CSMD1: variants seen among roughly 807,000 people sequenced by gnomAD.
The protein encoded by CSMD1 is CUB and sushi domain-containing protein 1.
CSMD1 carries 213 observed loss-of-function variants against 417.5 expected under a neutral mutation model. The ratio of observed to expected loss-of-function variants is 0.51; its 90% CI spans 0.46 to 0.57. The LOEUF (loss-of-function observed/expected upper bound fraction) is 0.57. Among genes scored for constraint, CSMD1 ranks in the 20% least tolerant of loss-of-function variants. The probability of loss-of-function intolerance (pLI) is 0.00; values close to 1 mark genes in which losing one functional copy is unlikely to be tolerated. For synonymous variants in CSMD1, 2,862 were observed against 1,736.8 expected, an observed-to-expected ratio of 1.65 and a Z score of -16.11; for missense variants, 6,923 against 4,529.7, an observed-to-expected ratio of 1.53 and a Z score of -15.17.
intron 3 of CSMD1, among the ~76,000 whole-genome samples, chr8:4,113,695 C>G (rs759005545): frequency 6.6e-6 from 1 of 152,120 alleles, no homozygotes; most frequent in Non-Finnish European, 1.5e-5. Flanking sequence ...TGAGCCACCG[C>G]GCCCAGCCAG....
chr8:3,523,832 C>T (rs1797624755), intron 10 of CSMD1, among the ~76,000 whole-genome samples: 1 of 147,226 alleles, frequency 6.8e-6, no homozygotes, highest in African/African-American at 2.5e-5. Flanking sequence ...TATGCATGCA[C>T]ACCCAGAGAC....
At position 3,457,304 on chromosome 8, in the gene CSMD1, C is replaced by G. The variant is rs571833609; in HGVS notation, c.1561+11408G>C. On this transcript the variant is annotated intron_variant, in intron 12 of 69. Coordinates refer to ENST00000635120, the MANE Select transcript of CSMD1 (RefSeq NM_033225.6). ...ATCTTCACCCCTCATCCTACACTCC[C>G]TGACCTTCAGCTCACATCACAACCT... is the stretch of plus-strand genomic sequence containing the variant. Among the ~76,000 whole-genome samples, 9 of 152,322 alleles carry G rather than the reference C, an allele frequency of 5.9e-5. No individual in the cohort carries two copies. The South Asian group carries it at 1.0e-3, about 18-fold the overall frequency.
chr8:3,523,662 C>G (rs1015196933), intron 10 of CSMD1, among the ~76,000 whole-genome samples: 4 of 141,954 alleles, frequency 2.8e-5, no homozygotes, highest in Non-Finnish European at 6.0e-5. Context: ...CACAGTTACA[C>G]ATGCACACAC....
intron 3 of CSMD1, among the ~76,000 whole-genome samples, chr8:4,196,155 G>T (rs575330808): frequency 6.6e-6 from 1 of 152,106 alleles, no homozygotes. Flanking sequence ...AGCTTGCAGG[G>T]AGCCGAGATC....
intron 3 of CSMD1, among the ~76,000 whole-genome samples, chr8:4,393,136 C>G (rs560809714): frequency 6.6e-6 from 1 of 151,710 alleles, no homozygotes; most frequent in South Asian, 2.1e-4. Flanking sequence ...CCACCACGCC[C>G]GACTAATTTT....
chr8:2,999,272 A>C (rs1807185886), intron 53 of CSMD1, among the ~76,000 whole-genome samples: 1 of 149,004 alleles, frequency 6.7e-6, no homozygotes, highest in Non-Finnish European at 1.5e-5. Flanking sequence ...CTCCTGCTTC[A>C]GCCCCTCCTA....
chr8:4,003,498 A>G (rs901056690), intron 4 of CSMD1, among the ~76,000 whole-genome samples: 1 of 152,206 alleles, frequency 6.6e-6, no homozygotes, highest in African/African-American at 2.4e-5. Flanking sequence ...TTAAATGGCA[A>G]TTTAAATAAG....
At chr8:4,521,856 C>T (rs566712464) in intron 2 of CSMD1, among the ~76,000 whole-genome samples, 8 of 152,282 alleles carry the variant, frequency 5.3e-5, no homozygotes, top group East Asian at 1.9e-4. Context: ...GAAAACTCAG[C>T]GCTTTAGCTC....
rs575172988 is a variant in CSMD1 at position 3,918,901 on chromosome 8, G to T, written c.818+79002C>A. On this transcript the variant is annotated intron_variant, in intron 5 of 69. Transcript: ENST00000635120. Reference sequence around the variant, plus strand: ...GGGAAAGAATAGGAAGGGGGTGAAGGATAAAAGACTACAAACTGGGTTCAG... The same window carrying T: ...GGGAAAGAATAGGAAGGGGGTGAAGTATAAAAGACTACAAACTGGGTTCAG... 5.3e-5 allele frequency among the ~76,000 whole-genome samples: 8 copies of T among 151,610 alleles called. No homozygotes were observed. In the East Asian group the frequency reaches 1.2e-3, roughly 22 times the overall value.
intron 1 of CSMD1, among the ~76,000 whole-genome samples, chr8:4,963,748 G>T (rs1372743497): frequency 6.6e-6 from 1 of 151,908 alleles, no homozygotes; most frequent in African/African-American, 2.4e-5. Flanking sequence ...AAGTTTTCTT[G>T]GTCACTTAAC....
intron 1 of CSMD1, among the ~76,000 whole-genome samples, chr8:4,641,336 T>C (rs1803176752): frequency 6.6e-6 from 1 of 152,090 alleles, no homozygotes; most frequent in Non-Finnish European, 1.5e-5. Context: ...ATCAGCAGAA[T>C]GTTAGATATA....
intron 24 of CSMD1, 30 bp from the exon 25 acceptor site, chr8:3,307,851 T>A: frequency 6.2e-7 from 1 of 1,604,380 alleles, no homozygotes; most frequent in Non-Finnish European, 8.5e-7. Flanking sequence ...ATGGGAACGT[T>A]CAGCTTCAGG....
At chr8:3,091,931 G>A (rs999926286) in intron 47 of CSMD1, among the ~76,000 whole-genome samples, 6 of 151,850 alleles carry the variant, frequency 4.0e-5, no homozygotes, top group Non-Finnish European at 5.9e-5. Context: ...AGCAGTACCC[G>A]AAAAAAATGA....
Position 4,498,143 on chromosome 8 carries a change from T to C in CSMD1, c.303-78078A>G, listed in dbSNP as rs145770988. Among the ~76,000 whole-genome samples the C allele has an allele frequency of 4.8e-3, 728 of 152,276 alleles. 4 individuals carry two copies. The highest frequency in any genetic ancestry group is 0.016 in the African/African-American group (679 of 41,552). On this transcript the variant is annotated intron_variant, in intron 2 of 69. Coordinates refer to ENST00000635120, the MANE Select transcript of CSMD1 (RefSeq NM_033225.6). ...GTCCTTTGTGGGACTTAAAGTAACC[T>C]AATCGGGGAGGGACACGCAGTTATC...
chr8:4,295,088 G>C (rs1338735707), intron 3 of CSMD1, among the ~76,000 whole-genome samples: 1 of 144,688 alleles, frequency 6.9e-6, no homozygotes, highest in East Asian at 2.0e-4. Context: ...ATAATCTTAA[G>C]ATTACACACA....
intron 19 of CSMD1, among the ~76,000 whole-genome samples, chr8:3,368,586 G>C (rs768890238): frequency 2.0e-4 from 30 of 152,176 alleles, no homozygotes; most frequent in Non-Finnish European, 4.0e-4. Context: ...TGATACACCT[G>C]TCTTGGCCTC....
intron 2 of CSMD1, among the ~76,000 whole-genome samples, chr8:4,436,715 G>A (rs374489744): frequency 6.6e-6 from 1 of 151,810 alleles, no homozygotes; most frequent in African/African-American, 2.4e-5. Flanking sequence ...TACTCCCTAT[G>A]TCCATGAGTT....
chr8:4,349,891 C>G (rs1005997760), intron 3 of CSMD1, among the ~76,000 whole-genome samples: 3 of 150,662 alleles, frequency 2.0e-5, no homozygotes, highest in Non-Finnish European at 4.4e-5. Context: ...AGACAGGGAG[C>G]CAAAATATAT....
chr8:3,162,329 T>G, intron 37 of CSMD1, 52 bp from the exon 38 acceptor site: 2 of 1,219,216 alleles, frequency 1.6e-6, no homozygotes, highest in South Asian at 2.6e-5. Context: ...ACAATATTCT[T>G]ATCATTTGAA....
Sources: gnomAD v4.1 joint callset for allele counts (sites outside exome capture counted in the v4.1 genomes callset) on GRCh38, gnomAD v4.1.1 for gene constraint, MANE v1.5 for transcripts, NCBI Gene and HGNC (gene_info 2026-07-23, HGNC 2026-07-21) for gene names.